Variants in RCOR3 observed in about 807,000 individuals in gnomAD.
The protein encoded by RCOR3 is REST corepressor 3.
A neutral mutation model predicts 64.1 loss-of-function variants in RCOR3; 13 were observed. That is an observed-to-expected ratio of 0.20 (90% CI 0.13 to 0.32). The LOEUF is 0.32. Among genes scored for constraint, RCOR3 ranks in the 10% least tolerant of loss-of-function variants. RCOR3 has a pLI of 1.00. For missense variants in RCOR3, 489 were observed against 701.2 expected (o/e 0.70, Z 3.42); for synonymous variants, 215 against 239.0 (o/e 0.90, Z 0.93).
chr1:211,263,887 C>T (rs1571770271), intron 2 of RCOR3, among the ~76,000 whole-genome samples: 2 of 151,794 alleles, frequency 1.3e-5, no homozygotes, highest in African/African-American at 4.8e-5. Flanking sequence ...GTGGTGCGAT[C>T]TTGGCTCACT....
intron 9 of RCOR3, among the ~76,000 whole-genome samples, chr1:211,298,490 A>G (rs1237617493): frequency 6.6e-6 from 1 of 152,240 alleles, no homozygotes; most frequent in African/African-American, 2.4e-5. Context: ...GTATTCCCTG[A>G]GCACTTATTA....
intron 6 of RCOR3, among the ~76,000 whole-genome samples, chr1:211,278,642 A>G (rs539318314): frequency 3.3e-5 from 5 of 152,194 alleles, no homozygotes; most frequent in African/African-American, 1.2e-4. Context: ...TATTATGTCA[A>G]TTTGTATGTG....
chr1:211,266,672 CAGAT>C (rs1695248251), intron 2 of RCOR3, among the ~76,000 whole-genome samples: 2 of 152,202 alleles, frequency 1.3e-5, no homozygotes, highest in East Asian at 1.9e-4. Flanking sequence ...TTCTAAATAT[CAGAT>C]AGTTTTGAGG....
At position 211,294,832 on chromosome 1, in the gene RCOR3, G is replaced by A. The variant is rs570638939; in HGVS notation, c.940-844G>A. ...TCTTGATCTCCTGACCTCGTGATCC[G>A]CCTGCCTTGGCCTCCGAAAGTGCTG... On this transcript the variant is annotated intron_variant, in intron 8 of 11. Coordinates refer to ENST00000419091, the MANE Select transcript of RCOR3 (RefSeq NM_001136223.3). Among the ~76,000 whole-genome samples the A allele has an allele frequency of 4.8e-4, 73 of 151,870 alleles. 1 individual carries two copies. The South Asian group carries it at 0.015, about 30-fold the overall frequency.
intron 2 of RCOR3, among the ~76,000 whole-genome samples, chr1:211,268,865 A>C (rs1695684582): frequency 6.6e-6 from 1 of 152,114 alleles, no homozygotes; most frequent in African/African-American, 2.4e-5. Context: ...TAACATACAT[A>C]GAATTTTAAG....
chr1:211,284,563 C>T (rs2102544070), intron 7 of RCOR3, among the ~76,000 whole-genome samples: 1 of 151,458 alleles, frequency 6.6e-6, no homozygotes, highest in East Asian at 1.9e-4. Context: ...TGTTTTGTCA[C>T]CCAGGCTAGT....
intron 10 of RCOR3, among the ~76,000 whole-genome samples, chr1:211,307,804 ATGTCAACTTTAG>A (rs1239137211): frequency 2.0e-5 from 3 of 151,480 alleles, no homozygotes; most frequent in Admixed American, 6.6e-5. Context: ...TTGTATAAAG[ATGTCAACTTTAG>A]TTATTTTTTA....
intron 4 of RCOR3, among the ~76,000 whole-genome samples, chr1:211,274,568 G>A (rs1229454017): frequency 6.6e-6 from 1 of 151,982 alleles, no homozygotes; most frequent in Non-Finnish European, 1.5e-5. Flanking sequence ...AAAAGTTAAG[G>A]TTTTGGTGTA....
intron 2 of RCOR3, among the ~76,000 whole-genome samples, chr1:211,270,952 T>C (rs1696091629): frequency 6.6e-6 from 1 of 152,094 alleles, no homozygotes; most frequent in Admixed American, 6.5e-5. Flanking sequence ...CCTCCCGGGT[T>C]CACGCCATTC....
At chr1:211,305,889 T>C (rs1700801828) in intron 10 of RCOR3, among the ~76,000 whole-genome samples, 1 of 152,142 alleles carries the variant, frequency 6.6e-6, no homozygotes. Context: ...TAACCAAACA[T>C]TTCCTCTGTA....
intron 10 of RCOR3, among the ~76,000 whole-genome samples, chr1:211,306,950 A>G (rs2102654847): frequency 6.6e-6 from 1 of 152,282 alleles, no homozygotes; most frequent in Non-Finnish European, 1.5e-5. Context: ...ATCCTCTTAA[A>G]ATATTTGCCA....
chr1:211,303,122 TCTC>T (rs1700544926), intron 9 of RCOR3: 1 of 152,202 alleles, frequency 6.6e-6, no homozygotes, highest in Non-Finnish European at 1.5e-5. Context: ...CCCTTTTTAA[TCTC>T]CTCATCTGGA....
At chr1:211,267,695 G>A (rs566865816) in intron 2 of RCOR3, 18 of 230,458 alleles carry the variant, frequency 7.8e-5, no homozygotes, top group Admixed American at 6.0e-4. Flanking sequence ...GGGCTCAGGC[G>A]ATCCTCCCAC....
chr1:211,272,864 GC>G (rs1696434020), intron 3 of RCOR3, among the ~76,000 whole-genome samples: 1 of 151,112 alleles, frequency 6.6e-6, no homozygotes, highest in Admixed American at 6.6e-5. Flanking sequence ...CTCGTGATCC[GC>G]CCGCCTCGGC....
At chr1:211,279,440 T>A in intron 7 of RCOR3, 124 bp downstream of exon 7, 1 of 633,684 alleles carries the variant, frequency 1.6e-6, no homozygotes, top group Non-Finnish European at 2.7e-6. Context: ...ATTTCAGTGT[T>A]AATTAGCAAT....
intron 4 of RCOR3, among the ~76,000 whole-genome samples, chr1:211,274,891 T>G (rs1211818620): frequency 6.6e-6 from 1 of 151,844 alleles, no homozygotes; most frequent in East Asian, 1.9e-4. Flanking sequence ...ATCTATTGGC[T>G]ACCCACAGAT....
chr1:211,259,487 G>A lies in RCOR3; in HGVS notation c.-74G>A, dbSNP rs1402059617. 8 of 1,409,186 alleles carry A rather than the reference G, an allele frequency of 5.7e-6. No homozygotes were observed. Among genetic ancestry groups the A allele is most frequent in the African/African-American group, 1.5e-5 (1 of 66,272 alleles). The allele number at this position is 1,409,186 out of a possible 1,614,324, so 87.3% of individuals were successfully genotyped here. ...CCTCCTCCTCCTTTCCCTCCCGCCC[G>A]CGCTCTAAGCCATCTCCGCCTTCAC... On this transcript the variant is annotated 5_prime_UTR_variant, in exon 1 of 12. Coordinates refer to ENST00000419091, the MANE Select transcript of RCOR3 (RefSeq NM_001136223.3).
chr1:211,295,193 T>C (rs1344377623), intron 8 of RCOR3, among the ~76,000 whole-genome samples: 1 of 151,510 alleles, frequency 6.6e-6, no homozygotes, highest in Non-Finnish European at 1.5e-5. Context: ...ATTTATCATG[T>C]TATAGCAGAA....
intron 7 of RCOR3, among the ~76,000 whole-genome samples, chr1:211,282,444 T>C (rs1160150498): frequency 6.6e-6 from 1 of 151,942 alleles, no homozygotes; most frequent in Non-Finnish European, 1.5e-5. Flanking sequence ...TACCAGTGTA[T>C]CTACCACTGA....
Sources: allele counts gnomAD v4.1 joint callset (sites outside exome capture counted in the v4.1 genomes callset), GRCh38; gene constraint gnomAD v4.1.1; transcripts MANE v1.5; gene names NCBI Gene and HGNC (gene_info 2026-07-23, HGNC 2026-07-21).